Variants in TBXAS1 observed in about 807,000 individuals in gnomAD.
TBXAS1 encodes the protein thromboxane A synthase 1, also known as thromboxane-A synthase.
TBXAS1 carries 48 observed loss-of-function variants against 60.7 expected under a neutral mutation model. The ratio of observed to expected loss-of-function variants is 0.79; its 90% CI spans 0.63 to 1.01. The LOEUF is 1.01. Among genes scored for constraint, TBXAS1 ranks in the 50% least tolerant of loss-of-function variants. TBXAS1 has a pLI of 0.00. For missense variants in TBXAS1, 685 were observed against 686.3 expected (o/e 1.00, Z 0.02); for synonymous variants, 287 against 269.7 (o/e 1.06, Z -0.63).
chr7:139,842,617 C>T (rs189279244), intron 1 of TBXAS1, among the ~76,000 whole-genome samples: 25 of 152,366 alleles, frequency 1.6e-4, no homozygotes, highest in Admixed American at 1.0e-3. Context: ...CTAAGAGCCA[C>T]ATCTTTCCTG....
chr7:139,867,148 GT>G (rs755041662), intron 1 of TBXAS1, among the ~76,000 whole-genome samples: 17 of 152,222 alleles, frequency 1.1e-4, no homozygotes, highest in African/African-American at 4.1e-4. Context: ...AGGACACTGG[GT>G]TACCTGGCAC....
At chr7:140,017,981 TTTC>T in intron 12 of TBXAS1, 148 bp downstream of exon 12, 1 of 1,043,304 alleles carries the variant, frequency 9.6e-7, no homozygotes, top group South Asian at 1.5e-5. Flanking sequence ...TCGGCCTCAG[TTTC>T]TTGATTCGTA....
chr7:140,014,015 C>T (rs1814823903), intron 10 of TBXAS1, among the ~76,000 whole-genome samples: 1 of 152,214 alleles, frequency 6.6e-6, no homozygotes, highest in Admixed American at 6.5e-5. Flanking sequence ...GCCATACAGC[C>T]TCAAGCACCT....
At chr7:140,014,489 G>A (rs1643614509) in intron 10 of TBXAS1, among the ~76,000 whole-genome samples, 2 of 152,162 alleles carry the variant, frequency 1.3e-5, no homozygotes, top group African/African-American at 4.8e-5. Context: ...GAAGTGCCAG[G>A]ATTTAAGAGG....
At chr7:139,874,449 A>G (rs1013526307) in intron 2 of TBXAS1, among the ~76,000 whole-genome samples, 2 of 152,222 alleles carry the variant, frequency 1.3e-5, no homozygotes, top group Admixed American at 6.5e-5. Flanking sequence ...CCTCACAGCT[A>G]CAAGCCCTGC....
intron 9 of TBXAS1, among the ~76,000 whole-genome samples, chr7:139,992,475 C>T (rs547583041): frequency 6.6e-6 from 1 of 152,352 alleles, no homozygotes; most frequent in Admixed American, 6.5e-5. Flanking sequence ...AGCCATGTCT[C>T]TGGGGGCCGT....
At chr7:139,983,345 A>G (rs1812097685) in intron 9 of TBXAS1, among the ~76,000 whole-genome samples, 1 of 152,188 alleles carries the variant, frequency 6.6e-6, no homozygotes, top group Non-Finnish European at 1.5e-5. Context: ...CATAAGAAAA[A>G]CTATTATTTG....
chr7:139,922,116 C>T (rs1806526009), intron 4 of TBXAS1, among the ~76,000 whole-genome samples: 1 of 146,946 alleles, frequency 6.8e-6, no homozygotes, highest in Non-Finnish European at 1.5e-5. Flanking sequence ...TTTTTTTTTC[C>T]CCGAGATGGA....
At chr7:139,872,609 G>T (rs1462245201) in intron 2 of TBXAS1, among the ~76,000 whole-genome samples, 1 of 152,178 alleles carries the variant, frequency 6.6e-6, no homozygotes, top group African/African-American at 2.4e-5. Context: ...AGCCGAGATT[G>T]CACCATTGCA....
intron 9 of TBXAS1, among the ~76,000 whole-genome samples, chr7:139,971,078 G>A (rs1436407343): frequency 6.6e-6 from 1 of 152,156 alleles, no homozygotes; most frequent in Non-Finnish European, 1.5e-5. Context: ...TCCACTAGAG[G>A]AATAGGAGCT....
intron 3 of TBXAS1, among the ~76,000 whole-genome samples, chr7:139,885,778 C>T (rs900224441): frequency 6.6e-6 from 1 of 152,068 alleles, no homozygotes; most frequent in Non-Finnish European, 1.5e-5. Flanking sequence ...CTTAGAAATC[C>T]TTGCTTGATT....
rs1813509895 is a variant in TBXAS1 at position 139,999,342 on chromosome 7, T to C, written c.1135-7749T>C. On this transcript the variant is annotated intron_variant, in intron 9 of 12. Transcript: ENST00000448866. The surrounding 1 kb of genome is among the most constrained non-coding windows in gnomAD (Gnocchi z 4.3). ...GAGTTCAAGACCAGCCTGGCCAACA[T>C]GGTAAAACCCCGTCTCTATAAAAAT... 6.6e-6 allele frequency among the ~76,000 whole-genome samples: 1 copy of C among 152,186 alleles called. No individual in the cohort carries two copies. Among genetic ancestry groups the C allele is most frequent in the African/African-American group, 2.4e-5 (1 of 41,458 alleles).
At chr7:139,954,014 C>A (rs980082509) in intron 6 of TBXAS1, among the ~76,000 whole-genome samples, 5 of 151,924 alleles carry the variant, frequency 3.3e-5, no homozygotes, top group Non-Finnish European at 7.4e-5. Flanking sequence ...AGTTTTTTTG[C>A]AGTTTTTTTT....
At chr7:139,793,158 T>G (rs1797441677) in intron 4 of TBXAS1, among the ~76,000 whole-genome samples, 1 of 152,196 alleles carries the variant, frequency 6.6e-6, no homozygotes, top group Admixed American at 6.5e-5. Flanking sequence ...GTCACACCTG[T>G]AATCCCAGCA....
chr7:139,923,817 G>A (rs1457998938), intron 4 of TBXAS1, among the ~76,000 whole-genome samples: 2 of 151,882 alleles, frequency 1.3e-5, no homozygotes, highest in South Asian at 4.2e-4. Flanking sequence ...CCAGCCTCTG[G>A]TAACCATCAT....
At chr7:139,988,375 G>A (rs146834118) in intron 9 of TBXAS1, among the ~76,000 whole-genome samples, 5 of 152,310 alleles carry the variant, frequency 3.3e-5, no homozygotes, top group Non-Finnish European at 7.4e-5. Flanking sequence ...CACTTGCGCT[G>A]TTCTGACCAC....
intron 10 of TBXAS1, among the ~76,000 whole-genome samples, chr7:140,012,512 A>G (rs1814699424): frequency 6.7e-6 from 1 of 148,742 alleles, no homozygotes; most frequent in Non-Finnish European, 1.5e-5. Flanking sequence ...GCTCAGGTGT[A>G]CAGTGGTGCG....
intron 1 of TBXAS1, among the ~76,000 whole-genome samples, chr7:139,857,171 C>T (rs932901683): frequency 1.3e-5 from 2 of 152,186 alleles, no homozygotes; most frequent in African/African-American, 2.4e-5. Flanking sequence ...AATTCTCCAG[C>T]CCCTGGAAGC....
At chr7:139,956,142 T>G (rs1482512246) in intron 7 of TBXAS1, among the ~76,000 whole-genome samples, 1 of 151,944 alleles carries the variant, frequency 6.6e-6, no homozygotes, top group Non-Finnish European at 1.5e-5. Context: ...TTTTATTTTA[T>G]TTATTATTAT....
Sources: gnomAD v4.1 joint callset for allele counts (sites outside exome capture counted in the v4.1 genomes callset) on GRCh38, gnomAD v4.1.1 for gene constraint, Gnocchi (gnomAD v3.1) non-coding constraint, MANE v1.5 for transcripts, NCBI Gene and HGNC (gene_info 2026-07-23, HGNC 2026-07-21) for gene names.